The following LRCH3 variants were observed in gnomAD, a reference collection of about 807,000 sequenced individuals.
The protein encoded by LRCH3 is DISP complex protein LRCH3.
A neutral mutation model predicts 104.5 loss-of-function variants in LRCH3; 68 were observed. That is an observed-to-expected ratio of 0.65 (90% confidence interval 0.54 to 0.80). The LOEUF is 0.80. Among genes scored for constraint, LRCH3 ranks in the 30% least tolerant of loss-of-function variants. The pLI is 0.00. For synonymous variants in LRCH3, 344 were observed against 361.3 expected (o/e 0.95, Z 0.54); for missense variants, 951 against 953.9 (o/e 1.00, Z 0.04).
At chr3:197,869,887 G>C (rs113158364) in intron 17 of LRCH3, among the ~76,000 whole-genome samples, 19 of 133,524 alleles carry the variant, frequency 1.4e-4, no homozygotes, top group South Asian at 2.4e-4. Flanking sequence ...AAGCCATGCA[G>C]TGTACCTGCA....
chr3:197,866,686 G>T (rs1299076691), intron 17 of LRCH3, among the ~76,000 whole-genome samples: 2 of 152,200 alleles, frequency 1.3e-5, no homozygotes, highest in African/African-American at 4.8e-5. Context: ...TTATCATGGT[G>T]GTGTGTGCCT....
rs879004386 is a variant in LRCH3, at chr3:197,826,730, TCATTTTTA to T, written c.641-146_641-139del. 134 of 992,184 alleles carry T rather than the reference TCATTTTTA, an allele frequency of 1.4e-4. No individual in the cohort carries two copies. The South Asian group carries it at 2.0e-3, about 15-fold the overall frequency. 61.5% of individuals were successfully genotyped at this position (992,184 alleles called of 1,614,324 possible). A position where few individuals can be genotyped will look rare whatever the true frequency, so the allele number is the denominator to read the frequency against. ...TTTTACCACTTTGCTACCACTTTTC[TCATTTTTA>T]CCACTTTGCTACCAGTTAATCACTA... On this transcript the variant is annotated intron_variant, in intron 4 of 20. Transcript: ENST00000425562.
At chr3:197,846,385 C>CAAAAAAAAA (rs113781589) in intron 10 of LRCH3, among the ~76,000 whole-genome samples, 1 of 66,736 alleles carries the variant, frequency 1.5e-5, no homozygotes, top group African/African-American at 4.8e-5. Flanking sequence ...CCTTGGGCCA[C>CAAAAAAAAA]AAAAAAAAAA....
At chr3:197,866,006 T>C (rs1741439087) in intron 16 of LRCH3, 106 bp from the exon 17 acceptor site, 16 of 801,484 alleles carry the variant, frequency 2.0e-5, no homozygotes, top group Non-Finnish European at 6.2e-6. Context: ...AGAATTATTT[T>C]ATATCATTGC....
chr3:197,877,661 C>T (rs534707769), intron 20 of LRCH3, among the ~76,000 whole-genome samples: 1 of 152,352 alleles, frequency 6.6e-6, no homozygotes, highest in African/African-American at 2.4e-5. Context: ...GAGAGAGCGC[C>T]CAGCTCCACA....
At chr3:197,862,536 A>G (rs1444730956) in intron 15 of LRCH3, among the ~76,000 whole-genome samples, 1 of 150,784 alleles carries the variant, frequency 6.6e-6, no homozygotes, top group Non-Finnish European at 1.5e-5. Context: ...AATTTTTGAA[A>G]ATATTTTTTC....
At chr3:197,804,704 C>G (rs1732277418) in intron 1 of LRCH3, among the ~76,000 whole-genome samples, 2 of 152,104 alleles carry the variant, frequency 1.3e-5, no homozygotes, top group South Asian at 2.1e-4. Context: ...TTTAGTAACA[C>G]GAGGAGAACT....
chr3:197,822,485 AGTTTT>A (rs1734603398), intron 4 of LRCH3, among the ~76,000 whole-genome samples: 2 of 152,234 alleles, frequency 1.3e-5, no homozygotes, highest in South Asian at 4.1e-4. Flanking sequence ...GAAGCTTAAT[AGTTTT>A]ATCAACTAAT....
rs552352852 is a variant in LRCH3 at position 197,832,127 on chromosome 3, G to T, written c.982-70G>T. On this transcript the variant is annotated intron_variant, in intron 7 of 20. Transcript: ENST00000425562. ...TCCTCCTGCTTTGGTCTCCCAAAGC[G>T]CATGGATTACAGGCATGATCTGCCA... 1.9e-5 allele frequency: 29 copies of T among 1,505,766 alleles called. 1 individual carries two copies. In the South Asian group the frequency reaches 3.2e-4, roughly 16 times the overall value. 93.3% of individuals were successfully genotyped at this position (1,505,766 alleles called of 1,614,324 possible). A position where few individuals can be genotyped will look rare whatever the true frequency, so the allele number is the denominator to read the frequency against.
In LRCH3 at chr3:197,804,263, G is replaced by GA. The variant is rs112672058; in HGVS notation, c.263-10634dup. Among the ~76,000 whole-genome samples the GA allele has an allele frequency of 7.6e-4, 104 of 137,294 alleles. 1 individual carries two copies. Among genetic ancestry groups the GA allele is most frequent in the African/African-American group, 1.9e-3 (71 of 37,616 alleles). 90.1% of individuals were successfully genotyped at this position (137,294 alleles called of 152,430 possible). On this transcript the variant is annotated intron_variant, in intron 1 of 20. Coordinates refer to ENST00000425562, the MANE Select transcript of LRCH3 (RefSeq NM_001365715.1). ...AGCGTAAGACCCTGTCTCAAAAAAA[G>GA]AAAAAAAAAAAGACCCACTTTGTGG...
intron 1 of LRCH3, among the ~76,000 whole-genome samples, chr3:197,795,891 C>T (rs1222909129): frequency 6.6e-6 from 1 of 151,752 alleles, no homozygotes; most frequent in Non-Finnish European, 1.5e-5. Context: ...TGGGGTTTCA[C>T]CATATTGGCC....
chr3:197,844,339 G>A (rs569873868), intron 10 of LRCH3, among the ~76,000 whole-genome samples: 1 of 152,152 alleles, frequency 6.6e-6, no homozygotes, highest in Non-Finnish European at 1.5e-5. Context: ...AAACTGAGTG[G>A]GGTGGTCATG....
At chr3:197,830,360 A>C (rs1735769512) in intron 6 of LRCH3, among the ~76,000 whole-genome samples, 1 of 152,214 alleles carries the variant, frequency 6.6e-6, no homozygotes, top group African/African-American at 2.4e-5. Flanking sequence ...AGCAGTCTTA[A>C]GTAGCAAGAA....
At chr3:197,805,886 A>C (rs1325318914) in intron 1 of LRCH3, among the ~76,000 whole-genome samples, 1 of 152,014 alleles carries the variant, frequency 6.6e-6, no homozygotes, top group Admixed American at 6.6e-5. Flanking sequence ...GTACATACAG[A>C]GTTTCCACCC....
intron 1 of LRCH3, among the ~76,000 whole-genome samples, chr3:197,813,734 T>A (rs1451364743): frequency 2.6e-5 from 4 of 151,874 alleles, no homozygotes; most frequent in Non-Finnish European, 5.9e-5. Flanking sequence ...TTTCACCATG[T>A]TGGGCAGGCT....
intron 8 of LRCH3, 88 bp downstream of exon 8, chr3:197,832,405 G>C (rs1319785220): frequency 1.5e-6 from 2 of 1,377,646 alleles, no homozygotes; most frequent in Non-Finnish European, 1.0e-6. Flanking sequence ...TTTTGTTGGT[G>C]TATCTATAGC....
intron 12 of LRCH3, among the ~76,000 whole-genome samples, chr3:197,849,622 G>A (rs1310400330): frequency 6.6e-6 from 1 of 152,010 alleles, no homozygotes; most frequent in African/African-American, 2.4e-5. Flanking sequence ...TGAAACTAAC[G>A]GAAATACTTT....
chr3:197,877,880 T>A (rs1265842639), intron 20 of LRCH3, among the ~76,000 whole-genome samples: 1 of 152,202 alleles, frequency 6.6e-6, no homozygotes, highest in Admixed American at 6.5e-5. Flanking sequence ...CGTTTTTATA[T>A]TATGTTGTTT....
rs904913690 is a variant in LRCH3, at chr3:197,810,031, C to T, written c.263-4877C>T. On this transcript the variant is annotated intron_variant, in intron 1 of 20. Coordinates refer to ENST00000425562, the MANE Select transcript of LRCH3 (RefSeq NM_001365715.1). This position sits in a 1 kb window ranked among gnomAD's most constrained non-coding sequence, Gnocchi z 4.0. ...ACGTAACCTTTGAGTAGGGGTGAGG[C>T]TACTCAAAGGTTGCATGGGAAGCCT... 1.3e-5 allele frequency among the ~76,000 whole-genome samples: 2 copies of T among 152,066 alleles called. No homozygotes were observed. The highest frequency in any genetic ancestry group is 4.8e-5 in the African/African-American group (2 of 41,396).
Sources: gnomAD v4.1 joint callset for allele counts (sites outside exome capture counted in the v4.1 genomes callset) on GRCh38, gnomAD v4.1.1 for gene constraint, Gnocchi (gnomAD v3.1) non-coding constraint, MANE v1.5 for transcripts, NCBI Gene and HGNC (gene_info 2026-07-23, HGNC 2026-07-21) for gene names.